The following CNTN4 variants were observed in gnomAD, a reference collection of about 807,000 sequenced individuals.
CNTN4 encodes contactin-4.
CNTN4 carries 77 observed loss-of-function variants against 122.5 expected under a neutral mutation model. The ratio of observed to expected loss-of-function variants is 0.63; its 90% confidence interval spans 0.52 to 0.76. The LOEUF is 0.76. Among genes scored for constraint, CNTN4 ranks in the 30% least tolerant of loss-of-function variants. CNTN4 has a pLI of 0.00. For synonymous variants in CNTN4, 512 were observed against 447.0 expected, an observed-to-expected ratio of 1.15 and a Z score of -1.83; for missense variants, 1,256 against 1,259.1, an observed-to-expected ratio of 1.00 and a Z score of 0.04.
intron 2 of CNTN4, among the ~76,000 whole-genome samples, chr3:2,232,327 T>G (rs2039517701): frequency 6.6e-6 from 1 of 152,190 alleles, no homozygotes; most frequent in Non-Finnish European, 1.5e-5. Flanking sequence ...AACTTAACAG[T>G]CAAGTATCTC....
chr3:2,428,811 A>G (rs1178376646), intron 3 of CNTN4, among the ~76,000 whole-genome samples: 1 of 151,926 alleles, frequency 6.6e-6, no homozygotes, highest in South Asian at 2.1e-4. Context: ...TTCTTGCTTC[A>G]TTTCATTCAT....
intron 2 of CNTN4, among the ~76,000 whole-genome samples, chr3:2,331,131 A>G (rs913559048): frequency 9.8e-5 from 15 of 152,314 alleles, no homozygotes; most frequent in African/African-American, 2.6e-4. Flanking sequence ...TGGTTTCCCA[A>G]TGGGAAGGAC....
chr3:2,202,148 G>A (rs1199535668), intron 2 of CNTN4, among the ~76,000 whole-genome samples: 1 of 151,990 alleles, frequency 6.6e-6, no homozygotes, highest in Non-Finnish European at 1.5e-5. Flanking sequence ...CCAAAGAATT[G>A]CTGTTTCTAC....
Position 3,056,250 on chromosome 3 carries a change from T to C in CNTN4, c.*30T>C, listed in dbSNP as rs377709201. On this transcript the variant is annotated 3_prime_UTR_variant, in exon 25 of 25. Transcript: ENST00000418658. ...AGTTATCTGAAGGACTTGCTGTTTA[T>C]AATATAAGCAACATTTAGCTAGTTG... The C allele has an allele frequency of 1.8e-5, 27 of 1,513,356 alleles. No individual in the cohort carries two copies. In the African/African-American group the frequency reaches 1.9e-4, roughly 11 times the overall value. 93.7% of individuals were successfully genotyped at this position (1,513,356 alleles called of 1,614,324 possible).
intron 3 of CNTN4, among the ~76,000 whole-genome samples, chr3:2,442,875 T>G (rs1457330280): frequency 6.6e-6 from 1 of 152,198 alleles, no homozygotes; most frequent in Non-Finnish European, 1.5e-5. Context: ...CAACTGGATA[T>G]CTGCACTTTG....
intron 7 of CNTN4, among the ~76,000 whole-genome samples, chr3:2,837,282 G>C (rs2093248630): frequency 6.6e-6 from 1 of 152,240 alleles, no homozygotes; most frequent in East Asian, 1.9e-4. Flanking sequence ...TGGACACATT[G>C]GTCTCCTGCA....
chr3:2,435,022 A>G (rs1459105870), intron 3 of CNTN4, among the ~76,000 whole-genome samples: 1 of 152,104 alleles, frequency 6.6e-6, no homozygotes, highest in East Asian at 1.9e-4. Flanking sequence ...CATGAAATCT[A>G]TTTCTGTGTC....
chr3:2,238,788 C>G (rs372321618), intron 2 of CNTN4: 1 of 105,168 alleles, frequency 9.5e-6, no homozygotes, highest in Non-Finnish European at 2.0e-5. Context: ...AGTGCGGTGG[C>G]GCCATCTCGG....
At chr3:2,797,985 C>T (rs2092242726) in intron 6 of CNTN4, among the ~76,000 whole-genome samples, 1 of 146,926 alleles carries the variant, frequency 6.8e-6, no homozygotes, top group Non-Finnish European at 1.5e-5. Context: ...TGGATATATC[C>T]TGTAGTGGTG....
intron 3 of CNTN4, among the ~76,000 whole-genome samples, chr3:2,400,573 A>G (rs1215125656): frequency 6.7e-6 from 1 of 149,930 alleles, no homozygotes; most frequent in Non-Finnish European, 1.5e-5. Context: ...TAAACAATAT[A>G]GCTCAGCTTC....
chr3:2,936,217 A>G (rs907602192), intron 13 of CNTN4, among the ~76,000 whole-genome samples: 1 of 152,140 alleles, frequency 6.6e-6, no homozygotes, highest in Non-Finnish European at 1.5e-5. Flanking sequence ...CCACCTGGGA[A>G]AGCATTTCAA....
chr3:2,599,216 A>G (rs148381534), intron 4 of CNTN4, among the ~76,000 whole-genome samples: 1 of 152,336 alleles, frequency 6.6e-6, no homozygotes, highest in Non-Finnish European at 1.5e-5. Flanking sequence ...ACTCCTTGGC[A>G]ATGTTACTAG....
intron 2 of CNTN4, among the ~76,000 whole-genome samples, chr3:2,246,204 T>G (rs2149649162): frequency 1.3e-5 from 2 of 152,130 alleles, no homozygotes; most frequent in East Asian, 3.9e-4. Flanking sequence ...TTGGACATTC[T>G]CATCCTGCAA....
intron 4 of CNTN4, among the ~76,000 whole-genome samples, chr3:2,579,204 C>T (rs1013973601): frequency 2.6e-5 from 4 of 152,126 alleles, no homozygotes; most frequent in African/African-American, 9.7e-5. Context: ...GAGTCTAGGG[C>T]GTATTGTATC....
At chr3:2,611,777 A>AG (rs2081501380) in intron 4 of CNTN4, among the ~76,000 whole-genome samples, 1 of 152,172 alleles carries the variant, frequency 6.6e-6, no homozygotes, top group African/African-American at 2.4e-5. Flanking sequence ...GAGGTTGGTG[A>AG]GGAGACTAGC....
intron 3 of CNTN4, among the ~76,000 whole-genome samples, chr3:2,382,589 C>T (rs1213431933): frequency 8.5e-5 from 13 of 152,204 alleles, no homozygotes; most frequent in Non-Finnish European, 1.5e-5. Context: ...TACTTTTATT[C>T]TGCTCATTTA....
intron 3 of CNTN4, among the ~76,000 whole-genome samples, chr3:2,379,352 A>T (rs559079212): frequency 1.3e-5 from 2 of 152,004 alleles, no homozygotes; most frequent in East Asian, 3.9e-4. Context: ...AGATCTGCCT[A>T]TTATAGAAGG....
chr3:3,017,339 G>C (rs968104230), intron 14 of CNTN4, among the ~76,000 whole-genome samples: 1 of 152,182 alleles, frequency 6.6e-6, no homozygotes, highest in African/African-American at 2.4e-5. Context: ...GTCTAAAAGA[G>C]ATCAAATGTG....
intron 6 of CNTN4, among the ~76,000 whole-genome samples, chr3:2,751,653 G>C (rs2149607639): frequency 6.6e-6 from 1 of 152,228 alleles, no homozygotes; most frequent in African/African-American, 2.4e-5. Context: ...TATACAGAAT[G>C]AAGTGCTATA....
Sources: allele counts gnomAD v4.1 joint callset (sites outside exome capture counted in the v4.1 genomes callset), GRCh38; gene constraint gnomAD v4.1.1; transcripts MANE v1.5; gene names NCBI Gene and HGNC (gene_info 2026-07-23, HGNC 2026-07-21).